OXR1: variants seen among roughly 807,000 people sequenced by gnomAD.
OXR1 encodes oxidation resistance protein 1.
A neutral mutation model predicts 104.6 loss-of-function variants in OXR1; 41 were observed. The ratio of observed to expected loss-of-function variants is 0.39; its 90% CI spans 0.31 to 0.51. OXR1 has a LOEUF of 0.51. Among genes scored for constraint, OXR1 ranks in the 20% least tolerant of loss-of-function variants. The probability of loss-of-function intolerance (pLI) is 0.77; values close to 1 mark genes in which losing one functional copy is unlikely to be tolerated. For synonymous variants in OXR1, 348 were observed against 348.4 expected (o/e 1.00, Z 0.01); for missense variants, 955 against 1,031.9 (o/e 0.93, Z 1.02).
At chr8:106,699,549 G>A (rs1424653674) in intron 7 of OXR1, among the ~76,000 whole-genome samples, 2 of 152,160 alleles carry the variant, frequency 1.3e-5, no homozygotes, top group Non-Finnish European at 2.9e-5. Flanking sequence ...GTTCGTGTAA[G>A]TTTGGTGTGT....
chr8:106,487,702 T>G (rs1200846446), intron 2 of OXR1, among the ~76,000 whole-genome samples: 1 of 150,956 alleles, frequency 6.6e-6, no homozygotes, highest in Admixed American at 6.6e-5. Context: ...GATAGTTTAC[T>G]GAGAATGATG....
In OXR1 at chr8:106,581,126, G is replaced by C. The variant is rs1818190624; in HGVS notation, c.220+61987G>C. The C allele has an allele frequency of 2.4e-6, 3 of 1,261,950 alleles. No individual in the cohort carries two copies. In the African/African-American group the frequency reaches 4.7e-5, roughly 20 times the overall value. 78.2% of individuals were successfully genotyped at this position (1,261,950 alleles called of 1,614,324 possible). On this transcript the variant is annotated intron_variant, in intron 3 of 16. Transcript: ENST00000517566. ...TATTCAAAGACAGTCTAGACTTAAA[G>C]ATTTAGAATTTTGGATGGAAATAAT...
chr8:106,361,287 C>T (rs1219216797), intron 2 of OXR1, among the ~76,000 whole-genome samples: 1 of 152,202 alleles, frequency 6.6e-6, no homozygotes, highest in Non-Finnish European at 1.5e-5. Flanking sequence ...TAGAATTCAT[C>T]TATGTGGAAT....
intron 3 of OXR1, among the ~76,000 whole-genome samples, chr8:106,635,479 CTG>C (rs1386234598): frequency 1.3e-5 from 2 of 152,034 alleles, no homozygotes; most frequent in Non-Finnish European, 2.9e-5. Flanking sequence ...TAGTCTTGTT[CTG>C]TGGTCCAGGC....
chr8:106,655,982 AGCATTAATTGGATAT>A (rs1222419692), intron 3 of OXR1: 1 of 152,228 alleles, frequency 6.6e-6, no homozygotes, highest in Non-Finnish European at 1.5e-5. Flanking sequence ...TAAAATCTCA[AGCATTAATTGGATAT>A]GCTTATAACA....
intron 11 of OXR1, among the ~76,000 whole-genome samples, chr8:106,714,974 C>T (rs943286600): frequency 9.2e-5 from 14 of 152,186 alleles, no homozygotes; most frequent in African/African-American, 3.4e-4. Context: ...GAAAGAAGAA[C>T]ATATCGACCA....
chr8:106,557,628 C>A (rs1046380810), intron 3 of OXR1, among the ~76,000 whole-genome samples: 2 of 151,830 alleles, frequency 1.3e-5, no homozygotes, highest in Non-Finnish European at 2.9e-5. Flanking sequence ...ATGTTGAATT[C>A]ATCACATAGG....
At chr8:106,585,840 C>A (rs1818589277) in intron 3 of OXR1, among the ~76,000 whole-genome samples, 1 of 151,998 alleles carries the variant, frequency 6.6e-6, no homozygotes, top group African/African-American at 2.4e-5. Context: ...GAAAGTAAGG[C>A]CTTGAGATGG....
At chr8:106,679,693 T>TC (rs1827957379) in intron 4 of OXR1, among the ~76,000 whole-genome samples, 1 of 151,906 alleles carries the variant, frequency 6.6e-6, no homozygotes, top group Admixed American at 6.6e-5. Context: ...TCTTCCAGTA[T>TC]AACCTTCCAC....
intron 3 of OXR1, among the ~76,000 whole-genome samples, chr8:106,622,663 G>C (rs557466461): frequency 2.6e-4 from 39 of 152,070 alleles, no homozygotes; most frequent in Non-Finnish European, 4.4e-4. Flanking sequence ...CTTTCTTCGG[G>C]TTCTTATAAA....
chr8:106,415,493 C>CTGTGTGTG (rs5893788), intron 2 of OXR1, among the ~76,000 whole-genome samples: 2 of 148,906 alleles, frequency 1.3e-5, no homozygotes, highest in South Asian at 2.1e-4. Flanking sequence ...AATTTTAAGA[C>CTGTGTGTG]TGTGTGTGTG....
chr8:106,691,441 T>C (rs1420472374), intron 6 of OXR1, among the ~76,000 whole-genome samples: 1 of 151,916 alleles, frequency 6.6e-6, no homozygotes, highest in African/African-American at 2.4e-5. Flanking sequence ...ATCTCCTTTT[T>C]TGTGCTTTGC....
chr8:106,431,681 A>G (rs930176562), intron 2 of OXR1, among the ~76,000 whole-genome samples: 2 of 152,232 alleles, frequency 1.3e-5, no homozygotes, highest in African/African-American at 2.4e-5. Context: ...AACAGCACCT[A>G]TACTAGCATC....
chr8:106,607,793 CTTTCTT>C (rs201227161), intron 3 of OXR1, among the ~76,000 whole-genome samples: 5,829 of 151,894 alleles, frequency 0.038, 121 homozygotes, highest in Middle Eastern at 0.072. Context: ...GTTATTTCCT[CTTTCTT>C]TTTCTTTTTC....
At chr8:106,705,502 T>TATC (rs1299436622) in intron 8 of OXR1, among the ~76,000 whole-genome samples, 1 of 152,174 alleles carries the variant, frequency 6.6e-6, no homozygotes. Flanking sequence ...TACTTTACAA[T>TATC]CTTTCCTTTT....
chr8:106,305,879 G>A (rs1316582846), intron 1 of OXR1, among the ~76,000 whole-genome samples: 1 of 152,078 alleles, frequency 6.6e-6, no homozygotes, highest in African/African-American at 2.4e-5. Context: ...CAAAGCCACA[G>A]TTTTATACTA....
intron 3 of OXR1, among the ~76,000 whole-genome samples, chr8:106,523,553 T>G (rs1009969328): frequency 6.6e-6 from 1 of 152,172 alleles, no homozygotes; most frequent in Admixed American, 6.5e-5. Context: ...ATATTCTATT[T>G]CATTTTTTTA....
At chr8:106,283,098 G>A (rs1020089208) in intron 1 of OXR1, among the ~76,000 whole-genome samples, 11 of 152,170 alleles carry the variant, frequency 7.2e-5, no homozygotes, top group Admixed American at 4.6e-4. Flanking sequence ...TTCTGTCCAC[G>A]CTTGTGCTTG....
chr8:106,722,055 G>C (rs1832868385), intron 11 of OXR1, among the ~76,000 whole-genome samples: 1 of 152,136 alleles, frequency 6.6e-6, no homozygotes, highest in Non-Finnish European at 1.5e-5. Flanking sequence ...GACTTCCCTT[G>C]TTTGGTTAAT....
Sources: gnomAD v4.1 joint callset for allele counts (sites outside exome capture counted in the v4.1 genomes callset) on GRCh38, gnomAD v4.1.1 for gene constraint, MANE v1.5 for transcripts, NCBI Gene and HGNC (gene_info 2026-07-23, HGNC 2026-07-21) for gene names.